The following PLCH1 variants were observed in gnomAD, a reference collection of about 807,000 sequenced individuals.
The protein encoded by PLCH1 is phospholipase C eta 1.
PLCH1 carries 60 observed loss-of-function variants against 126.7 expected under a neutral mutation model. The ratio of observed to expected loss-of-function variants is 0.47; its 90% CI spans 0.38 to 0.59. The LOEUF (loss-of-function observed/expected upper bound fraction) is 0.59, where lower values mean the gene tolerates loss of function less well. Among genes scored for constraint, PLCH1 ranks in the 20% least tolerant of loss-of-function variants. The pLI is 0.00. For synonymous variants in PLCH1, 719 were observed against 734.9 expected, an observed-to-expected ratio of 0.98 and a Z score of 0.35; for missense variants, 1,723 against 2,040.0, an observed-to-expected ratio of 0.84 and a Z score of 2.99.
chr3:155,598,971 ATCTC>A lies in PLCH1; in HGVS notation c.80-2597_80-2594del, dbSNP rs148802841. Reference sequence around the variant, plus strand: ...GAGGTCATGCAAGTGGGGCCCCATGATCTCTCTCTCTCTCTCTCTTTCCCTCTCT... The same window carrying A: ...GAGGTCATGCAAGTGGGGCCCCATGATCTCTCTCTCTCTCTTTCCCTCTCT... On this transcript the variant is annotated intron_variant, in intron 2 of 22. Coordinates refer to ENST00000460012, the MANE Select transcript of PLCH1 (RefSeq NM_014996.4). Among the ~76,000 whole-genome samples, 192 of 146,242 alleles carry A rather than the reference ATCTC, an allele frequency of 1.3e-3. 1 individual carries two copies. The highest frequency in any genetic ancestry group is 0.01 in the Middle Eastern group (3 of 292).
rs1196539251 is a variant in PLCH1, at chr3:155,566,172, CACATATATACACATATATATACACAT to C, written c.866-1080_866-1055del. Among the ~76,000 whole-genome samples the C allele has an allele frequency of 2.0e-4, 8 of 39,390 alleles. 2 individuals are homozygous for C. The South Asian group carries it at 3.5e-3, about 17-fold the overall frequency. 25.8% of individuals were successfully genotyped at this position (39,390 alleles called of 152,430 possible). A position where few individuals can be genotyped will look rare whatever the true frequency, so the allele number is the denominator to read the frequency against. ...ATACATATATACACATACATATATACACATATATACACATATATATACACATACATATATACACATATATACGTATA... is the reference window on the plus strand; with the variant it reads ...ATACATATATACACATACATATATACACATATATACACATATATACGTATA... On this transcript the variant is annotated intron_variant, in intron 7 of 22. Coordinates refer to ENST00000460012, the MANE Select transcript of PLCH1 (RefSeq NM_014996.4).
In PLCH1 at chr3:155,501,088, TA is replaced by T. The variant is rs1340141704; in HGVS notation, c.1705-295del. On this transcript the variant is annotated intron_variant, in intron 13 of 22. Transcript: ENST00000460012. ...AGTCATGCATTTTGAAGGTTTCTAC[TA>T]GGGGTAGAGTCAAAGTTGCAGTATC... Among the ~76,000 whole-genome samples, 14 of 152,328 alleles carry T rather than the reference TA, an allele frequency of 9.2e-5. No homozygotes were observed. The South Asian group carries it at 2.1e-3, about 23-fold the overall frequency.
At chr3:155,464,556 T>A (rs1475243434) in intron 21 of PLCH1, among the ~76,000 whole-genome samples, 3 of 152,122 alleles carry the variant, frequency 2.0e-5, no homozygotes, top group Non-Finnish European at 4.4e-5. Context: ...GACTAGGTAC[T>A]TCCTGGATTC....
chr3:155,645,207 T>C (rs1382922031), intron 2 of PLCH1, among the ~76,000 whole-genome samples: 2 of 152,178 alleles, frequency 1.3e-5, no homozygotes, highest in African/African-American at 2.4e-5. Flanking sequence ...TCACCTTTTT[T>C]GTTTTTAAAG....
chr3:155,616,175 T>A (rs1735777291), intron 2 of PLCH1, among the ~76,000 whole-genome samples: 2 of 152,210 alleles, frequency 1.3e-5, no homozygotes, highest in Non-Finnish European at 2.9e-5. Context: ...TAAAATTACT[T>A]ACACTAAAAA....
At chr3:155,509,291 C>T (rs1344264729) in intron 12 of PLCH1, among the ~76,000 whole-genome samples, 116 of 112,572 alleles carry the variant, frequency 1.0e-3, no homozygotes, top group African/African-American at 4.9e-3. Context: ...TTTGTTGATC[C>T]TTTCAAAAAA....
At chr3:155,740,052 C>T (rs1045415478) in intron 1 of PLCH1, among the ~76,000 whole-genome samples, 10 of 152,194 alleles carry the variant, frequency 6.6e-5, no homozygotes, top group Admixed American at 3.3e-4. Context: ...TGTACTTAGA[C>T]ATAGCGTGTG....
intron 21 of PLCH1, among the ~76,000 whole-genome samples, chr3:155,452,665 T>A (rs201849926): frequency 6.6e-6 from 1 of 152,124 alleles, no homozygotes; most frequent in East Asian, 1.9e-4. Flanking sequence ...TGACTATGTA[T>A]ATAATACTTT....
intron 7 of PLCH1, among the ~76,000 whole-genome samples, chr3:155,567,878 G>C (rs1175813999): frequency 6.6e-6 from 1 of 152,144 alleles, no homozygotes; most frequent in Non-Finnish European, 1.5e-5. Flanking sequence ...ACTAGTCTCA[G>C]GGATAACTTA....
Position 155,482,327 on chromosome 3 carries a change from A to T in PLCH1, c.3699T>A (p.Gly1233=). 1 of 1,614,096 alleles carries T rather than the reference A, an allele frequency of 6.2e-7. No homozygotes were observed. Among genetic ancestry groups the T allele is most frequent in the Non-Finnish European group, 8.5e-7 (1 of 1,180,016 alleles). The change falls in exon 23 of 23, where the codon GGT becomes GGA. Residue 1233 remains glycine, a synonymous_variant. Transcript: ENST00000460012. ...SLGLKMPIKH[G]FCKGKSKSSF... is the part of the protein sequence containing the mutation. ...AAGACTTGGATTTTCCCTTGCAAAA[A>T]CCATGCTTGATGGGCATTTTTAGGC...
intron 11 of PLCH1, among the ~76,000 whole-genome samples, chr3:155,522,897 C>G (rs1721304178): frequency 7.6e-6 from 1 of 131,808 alleles, no homozygotes; most frequent in African/African-American, 2.9e-5. Flanking sequence ...CTTTTTAAGT[C>G]TTATATTTCC....
chr3:155,736,999 G>A (rs1280185725), intron 1 of PLCH1, among the ~76,000 whole-genome samples: 1 of 151,970 alleles, frequency 6.6e-6, no homozygotes, highest in African/African-American at 2.4e-5. Context: ...GGAGGCCGAA[G>A]CGGCTGGATT....
intron 8 of PLCH1, among the ~76,000 whole-genome samples, chr3:155,562,381 T>C (rs1032042751): frequency 7.9e-5 from 12 of 152,178 alleles, no homozygotes; most frequent in African/African-American, 2.9e-4. Context: ...CTCTTAATCT[T>C]ATTTTATGGC....
chr3:155,559,257 A>T (rs1167917589), intron 8 of PLCH1, among the ~76,000 whole-genome samples: 1 of 152,148 alleles, frequency 6.6e-6, no homozygotes, highest in Non-Finnish European at 1.5e-5. Flanking sequence ...ATCTCTTAAG[A>T]AGAGATTATT....
intron 5 of PLCH1, among the ~76,000 whole-genome samples, chr3:155,585,041 T>A (rs991080753): frequency 2.6e-5 from 4 of 152,098 alleles, no homozygotes; most frequent in Admixed American, 1.3e-4. Context: ...AGTCCCTCAC[T>A]CCATCTCTCA....
chr3:155,706,615 CA>C (rs56707638), intron 1 of PLCH1, among the ~76,000 whole-genome samples: 14,110 of 138,016 alleles, frequency 0.1, 638 homozygotes, highest in Middle Eastern at 0.18. Flanking sequence ...GACTCCGTCT[CA>C]AAAAAAAAAA....
intron 10 of PLCH1, among the ~76,000 whole-genome samples, chr3:155,548,288 G>A (rs1356723647): frequency 2.0e-5 from 3 of 152,258 alleles, no homozygotes; most frequent in South Asian, 2.1e-4. Flanking sequence ...ATGGGGTTGC[G>A]CTGGTCCGCA....
chr3:155,618,010 A>G (rs951635872), intron 2 of PLCH1, among the ~76,000 whole-genome samples: 3 of 152,212 alleles, frequency 2.0e-5, no homozygotes, highest in Admixed American at 2.0e-4. Flanking sequence ...TCCTTATGGA[A>G]AAAGTTCTAA....
intron 2 of PLCH1, among the ~76,000 whole-genome samples, chr3:155,630,299 A>G (rs1737877137): frequency 6.6e-6 from 1 of 152,278 alleles, no homozygotes; most frequent in Non-Finnish European, 1.5e-5. Context: ...ATTTAAAGCT[A>G]AGATCTGATG....
Sources: allele counts gnomAD v4.1 joint callset (sites outside exome capture counted in the v4.1 genomes callset), GRCh38; gene constraint gnomAD v4.1.1; transcripts MANE v1.5; gene names NCBI Gene and HGNC (gene_info 2026-07-23, HGNC 2026-07-21).